SHB: variants seen among roughly 807,000 people sequenced by gnomAD.
SHB encodes the protein SH2 domain containing adaptor protein B, also known as SH2 domain-containing adapter protein B.
In SHB, 20 loss-of-function variants were observed where a neutral mutation model predicts 52.3. That is an observed-to-expected ratio of 0.38 (90% CI 0.27 to 0.56). SHB has a LOEUF of 0.56. Ranked by LOEUF, SHB falls within the 20% of genes least tolerant of loss-of-function variation. The pLI, the probability that SHB is intolerant of heterozygous loss-of-function variation, is 0.71. For missense variants in SHB, 825 were observed against 723.3 expected (o/e 1.14, Z -1.61); for synonymous variants, 397 against 316.5 (o/e 1.25, Z -2.70).
chr9:37,939,953 G>A (rs1832416924), intron 5 of SHB, among the ~76,000 whole-genome samples: 1 of 152,212 alleles, frequency 6.6e-6, no homozygotes, highest in Non-Finnish European at 1.5e-5. Context: ...AGAGCAGGTG[G>A]CGGGGCAGGA....
At chr9:38,043,465 C>G (rs1209986455) in intron 1 of SHB, among the ~76,000 whole-genome samples, 2 of 152,208 alleles carry the variant, frequency 1.3e-5, no homozygotes, top group African/African-American at 4.8e-5. Flanking sequence ...AAAGTGATCA[C>G]TGGAAGCACC....
chr9:37,991,396 C>T lies in SHB; in HGVS notation c.839-16559G>A, dbSNP rs78636900. ...CTACTTAATATTCCAGTGAAATGGG[C>T]TTCTGCATTCAAGAGTATTTCTAAA... On this transcript the variant is annotated intron_variant, in intron 2 of 5. Coordinates refer to ENST00000377707, the MANE Select transcript of SHB (RefSeq NM_003028.3). Among the ~76,000 whole-genome samples, 1,076 of 152,344 alleles carry T rather than the reference C, an allele frequency of 7.1e-3. 16 individuals carry two copies. Among genetic ancestry groups the T allele is most frequent in the African/African-American group, 0.025 (1,025 of 41,586 alleles).
rs1279974480 is a variant in SHB, at chr9:38,068,085, T to C, written c.561A>G (p.Lys187=). The C allele has an allele frequency of 1.3e-6, 2 of 1,495,950 alleles. No homozygotes were observed. Among genetic ancestry groups the C allele is most frequent in the Non-Finnish European group, 1.8e-6 (2 of 1,133,826 alleles). 92.7% of individuals were successfully genotyped at this position (1,495,950 alleles called of 1,614,324 possible). ...RYISPKHRLI[K]VESAAGGGAG... Reference sequence around the variant, plus strand: ...CCCCACCGCCCGCGGCGCTCTCCACTTTGATGAGGCGGTGCTTGGGGGAGA... The same window carrying C: ...CCCCACCGCCCGCGGCGCTCTCCACCTTGATGAGGCGGTGCTTGGGGGAGA... The change falls in exon 1 of 6, where the codon AAA becomes AAG. Residue 187 remains lysine (K), a synonymous_variant. Transcript: ENST00000377707.
intron 2 of SHB, among the ~76,000 whole-genome samples, chr9:37,987,882 C>A (rs182628843): frequency 6.6e-6 from 1 of 152,100 alleles, no homozygotes. Flanking sequence ...GGCAGGGTGC[C>A]AGCTGCCTAG....
intron 1 of SHB, among the ~76,000 whole-genome samples, chr9:38,056,578 C>T (rs1416905243): frequency 6.6e-6 from 1 of 152,190 alleles, no homozygotes; most frequent in Non-Finnish European, 1.5e-5. Flanking sequence ...GTGATCCACC[C>T]GCCTCAGTCT....
intron 2 of SHB, among the ~76,000 whole-genome samples, chr9:38,006,538 A>G (rs1236548856): frequency 6.6e-6 from 1 of 152,220 alleles, no homozygotes; most frequent in Non-Finnish European, 1.5e-5. Flanking sequence ...GGATTCTGAA[A>G]TGCAAGGCTG....
intron 1 of SHB, among the ~76,000 whole-genome samples, chr9:38,052,045 A>G (rs1821757809): frequency 6.6e-6 from 1 of 152,166 alleles, no homozygotes; most frequent in Non-Finnish European, 1.5e-5. Flanking sequence ...GAAGACTTCA[A>G]CTACGACACC....
At chr9:38,050,614 G>A (rs1305950091) in intron 1 of SHB, among the ~76,000 whole-genome samples, 3 of 152,088 alleles carry the variant, frequency 2.0e-5, no homozygotes, top group African/African-American at 7.2e-5. Context: ...CTATGAAGGT[G>A]GTCGTCAGAA....
At chr9:38,015,528 A>G in intron 2 of SHB, 1 of 697,822 alleles carries the variant, frequency 1.4e-6, no homozygotes, top group Non-Finnish European at 2.6e-6. Context: ...CTCCAAAACA[A>G]AGATTTCTCG....
chr9:38,035,397 C>T (rs777583269), intron 1 of SHB, among the ~76,000 whole-genome samples: 2 of 150,780 alleles, frequency 1.3e-5, no homozygotes, highest in Non-Finnish European at 1.5e-5. Context: ...ACTCTATAGT[C>T]CTCCTGAGAT....
chr9:37,936,330 C>A (rs1056294362), intron 5 of SHB, among the ~76,000 whole-genome samples: 2 of 152,212 alleles, frequency 1.3e-5, no homozygotes, highest in Non-Finnish European at 2.9e-5. Flanking sequence ...TTCATCACCA[C>A]AGACAGTGGT....
intron 1 of SHB, among the ~76,000 whole-genome samples, chr9:38,048,123 C>G (rs1364049192): frequency 1.3e-5 from 2 of 152,222 alleles, no homozygotes; most frequent in Non-Finnish European, 2.9e-5. Flanking sequence ...CATCCCCCTC[C>G]TCACGTTGTG....
At chr9:38,021,455 T>C (rs560083942) in intron 1 of SHB, among the ~76,000 whole-genome samples, 3 of 151,930 alleles carry the variant, frequency 2.0e-5, no homozygotes, top group Admixed American at 1.3e-4. Flanking sequence ...CAGATAACCC[T>C]GAGTTCAAGA....
intron 3 of SHB, among the ~76,000 whole-genome samples, chr9:37,958,926 TC>T (rs1832664861): frequency 6.6e-6 from 1 of 152,158 alleles, no homozygotes; most frequent in African/African-American, 2.4e-5. Context: ...TGCAGAGCCC[TC>T]CATGGGTGAC....
chr9:37,956,002 G>A lies in SHB; in HGVS notation c.1107C>T (p.Asp369=). The change falls in exon 4 of 6, where the codon GAC becomes GAT. Residue 369 remains aspartate, a synonymous_variant. Coordinates refer to ENST00000377707, the MANE Select transcript of SHB (RefSeq NM_003028.3). ...KRQSSPSPSR[D]RRRQLRAPGG... The stretch of plus-strand genomic sequence containing the variant: ...CAGGGGCACGAAGCTGGCGCCGCCG[G>A]TCCCGCGAAGGTGAGGGGGATGACT... 1 of 1,591,320 alleles carries A rather than the reference G, an allele frequency of 6.3e-7. No individual in the cohort carries two copies. The highest frequency in any genetic ancestry group is 8.5e-7 in the Non-Finnish European group (1 of 1,169,600).
At position 38,069,159 on chromosome 9, in the gene SHB, G is replaced by C. The variant is rs1027235637; in HGVS notation, c.-514C>G. The C allele has an allele frequency of 3.3e-5, 5 of 151,708 alleles. No individual in the cohort carries two copies. The highest frequency in any genetic ancestry group is 1.2e-4 in the African/African-American group (5 of 41,426). 9.4% of individuals were successfully genotyped at this position (151,708 alleles called of 1,614,324 possible). A position where few individuals can be genotyped will look rare whatever the true frequency, so the allele number is the denominator to read the frequency against. On this transcript the variant is annotated 5_prime_UTR_variant, in exon 1 of 6. Coordinates refer to ENST00000377707, the MANE Select transcript of SHB (RefSeq NM_003028.3). ...GCCGGGAGAGACAGCGAGCGACGGA[G>C]GAAGGCAGCCGGCGCCCGCCGGAGC...
At chr9:38,028,255 C>A (rs1271292771) in intron 1 of SHB, among the ~76,000 whole-genome samples, 1 of 152,158 alleles carries the variant, frequency 6.6e-6, no homozygotes, top group African/African-American at 2.4e-5. Flanking sequence ...CCTGCAACAT[C>A]AATCAGCCTG....
At chr9:37,923,096 T>C (rs930335153) in intron 5 of SHB, among the ~76,000 whole-genome samples, 3 of 152,132 alleles carry the variant, frequency 2.0e-5, no homozygotes, top group Non-Finnish European at 2.9e-5. Flanking sequence ...AGGGGAGGTG[T>C]CTGGCCCAAA....
chr9:38,015,454 G>C, intron 2 of SHB: 2 of 703,072 alleles, frequency 2.8e-6, no homozygotes, highest in Non-Finnish European at 5.2e-6. Flanking sequence ...CAGCCACTGG[G>C]GGAATGTCTC....
Sources: gnomAD v4.1 joint callset for allele counts (sites outside exome capture counted in the v4.1 genomes callset) on GRCh38, gnomAD v4.1.1 for gene constraint, MANE v1.5 for transcripts, NCBI Gene and HGNC (gene_info 2026-07-23, HGNC 2026-07-21) for gene names.